Variants in SLC24A2 observed in about 807,000 individuals in gnomAD.
SLC24A2 encodes the protein solute carrier family 24 member 2, also known as sodium/potassium/calcium exchanger 2.
A neutral mutation model predicts 62.0 loss-of-function variants in SLC24A2; 36 were observed. The observed-to-expected ratio is 0.58, with a 90% CI of 0.44 to 0.77. The LOEUF is 0.77. SLC24A2 is among the 30% of genes least tolerant of loss of function. The pLI is 0.00. For missense variants in SLC24A2, 846 were observed against 817.9 expected (o/e 1.03, Z -0.42); for synonymous variants, 358 against 294.0 (o/e 1.22, Z -2.23).
intron 2 of SLC24A2, among the ~76,000 whole-genome samples, chr9:19,668,813 T>A (rs1819331034): frequency 6.6e-6 from 1 of 152,216 alleles, no homozygotes; most frequent in Non-Finnish European, 1.5e-5. Context: ...AATTTCTTCT[T>A]TGTTAAACTG....
the SLC24A2 span, among the ~76,000 whole-genome samples, chr9:20,109,852 A>G: frequency 3.9e-5 from 6 of 151,976 alleles, no homozygotes; most frequent in Non-Finnish European, 1.5e-5. Flanking sequence ...AATAATACCA[A>G]TCAAATTTCT....
chr9:19,558,692 G>A (rs1168639173), intron 7 of SLC24A2, among the ~76,000 whole-genome samples: 3 of 152,198 alleles, frequency 2.0e-5, no homozygotes, highest in African/African-American at 7.2e-5. Context: ...AAGGCCAACA[G>A]AGCCCCATGA....
At chr9:20,090,459 C>T in the SLC24A2 span, among the ~76,000 whole-genome samples, 3 of 152,182 alleles carry the variant, frequency 2.0e-5, no homozygotes, top group Non-Finnish European at 2.9e-5. Context: ...AGAGGGAGCA[C>T]GATTGCAATT....
At chr9:20,261,531 C>T in the SLC24A2 span, among the ~76,000 whole-genome samples, 1 of 152,132 alleles carries the variant, frequency 6.6e-6, no homozygotes, top group Non-Finnish European at 1.5e-5. Context: ...GGGCGCCGCC[C>T]TCATGACCCA....
At chr9:20,121,438 A>C in the SLC24A2 span, among the ~76,000 whole-genome samples, 1 of 152,114 alleles carries the variant, frequency 6.6e-6, no homozygotes, top group Admixed American at 6.6e-5. Flanking sequence ...AAGGCCAAAA[A>C]GTTTATGGGA....
chr9:19,715,847 G>C (rs1161762814), intron 2 of SLC24A2, among the ~76,000 whole-genome samples: 1 of 152,186 alleles, frequency 6.6e-6, no homozygotes, highest in East Asian at 1.9e-4. Flanking sequence ...ATACAAATCT[G>C]TTGTTTTTCT....
the SLC24A2 span, among the ~76,000 whole-genome samples, chr9:20,296,817 G>A: frequency 6.6e-6 from 1 of 152,146 alleles, no homozygotes; most frequent in Non-Finnish European, 1.5e-5. Context: ...ATTTCTTCAT[G>A]TATACAGTTC....
chr9:19,987,074 G>A, the SLC24A2 span, among the ~76,000 whole-genome samples: 1 of 152,142 alleles, frequency 6.6e-6, no homozygotes, highest in African/African-American at 2.4e-5. Flanking sequence ...GAGGGTGGAA[G>A]GGGGAGTAAA....
the SLC24A2 span, among the ~76,000 whole-genome samples, chr9:19,911,661 T>C: frequency 3.3e-5 from 5 of 152,186 alleles, no homozygotes; most frequent in African/African-American, 1.2e-4. Flanking sequence ...ACTGTGGTTT[T>C]ATCCTAAAGT....
chr9:19,924,504 G>A, the SLC24A2 span, among the ~76,000 whole-genome samples: 3 of 152,146 alleles, frequency 2.0e-5, no homozygotes, highest in African/African-American at 7.2e-5. Flanking sequence ...GATCTAGTCA[G>A]CTGTGTCCAT....
At chr9:19,662,453 C>T (rs897942646) in intron 2 of SLC24A2, among the ~76,000 whole-genome samples, 2 of 152,202 alleles carry the variant, frequency 1.3e-5, no homozygotes, top group Admixed American at 1.3e-4. Context: ...ATACTTGTTG[C>T]TTTCAGCTCT....
chr9:20,295,488 TG>T, the SLC24A2 span, among the ~76,000 whole-genome samples: 1 of 152,202 alleles, frequency 6.6e-6, no homozygotes, highest in African/African-American at 2.4e-5. Flanking sequence ...ATCATTATTC[TG>T]GGTGTGTCTG....
chr9:20,137,187 G>T, the SLC24A2 span, among the ~76,000 whole-genome samples: 1 of 152,256 alleles, frequency 6.6e-6, no homozygotes, highest in East Asian at 1.9e-4. Flanking sequence ...AATGAATAAT[G>T]CATACAGTAA....
At chr9:19,543,175 G>A (rs927397575) in intron 8 of SLC24A2, among the ~76,000 whole-genome samples, 7 of 152,118 alleles carry the variant, frequency 4.6e-5, no homozygotes, top group Admixed American at 1.3e-4. Flanking sequence ...ATGTGTCCAG[G>A]AATTTATCCA....
At chr9:19,974,770 T>C in the SLC24A2 span, among the ~76,000 whole-genome samples, 1 of 152,228 alleles carries the variant, frequency 6.6e-6, no homozygotes, top group Admixed American at 6.5e-5. Flanking sequence ...CTCACAGAGT[T>C]ATTTAAGCAC....
At chr9:19,883,072 A>G in the SLC24A2 span, among the ~76,000 whole-genome samples, 2 of 152,226 alleles carry the variant, frequency 1.3e-5, no homozygotes, top group African/African-American at 4.8e-5. Context: ...TTGATTAAAC[A>G]TTTGTGACTT....
chr9:20,050,803 G>C, the SLC24A2 span, among the ~76,000 whole-genome samples: 1 of 152,124 alleles, frequency 6.6e-6, no homozygotes, highest in African/African-American at 2.4e-5. Context: ...CTAATATAAA[G>C]CTGTAGCCTA....
the SLC24A2 span, among the ~76,000 whole-genome samples, chr9:19,830,428 G>A: frequency 6.6e-6 from 1 of 152,142 alleles, no homozygotes; most frequent in Non-Finnish European, 1.5e-5. Context: ...CCATACCACT[G>A]TGAGATAAGA....
the SLC24A2 span, among the ~76,000 whole-genome samples, chr9:19,962,430 T>C: frequency 2.6e-5 from 4 of 152,198 alleles, no homozygotes; most frequent in Admixed American, 6.5e-5. Flanking sequence ...GGGGATGGCA[T>C]TGAATCTATA....
Sources: allele counts gnomAD v4.1 joint callset (sites outside exome capture counted in the v4.1 genomes callset), GRCh38; gene constraint gnomAD v4.1.1; transcripts MANE v1.5; gene names NCBI Gene and HGNC (gene_info 2026-07-23, HGNC 2026-07-21).